EMSY: variants seen among roughly 807,000 people sequenced by gnomAD.
EMSY encodes BRCA2-interacting transcriptional repressor EMSY.
In EMSY, 26 loss-of-function variants were observed where a neutral mutation model predicts 134.6. The ratio of observed to expected loss-of-function variants is 0.19; its 90% confidence interval spans 0.14 to 0.27. The LOEUF (loss-of-function observed/expected upper bound fraction) is 0.27. Among genes scored for constraint, EMSY ranks in the 10% least tolerant of loss-of-function variants. The probability of loss-of-function intolerance (pLI) is 1.00; values close to 1 mark genes in which losing one functional copy is unlikely to be tolerated. For synonymous variants in EMSY, 579 were observed against 577.8 expected, an observed-to-expected ratio of 1.00 and a Z score of -0.03; for missense variants, 1,305 against 1,611.4, an observed-to-expected ratio of 0.81 and a Z score of 3.26.
At chr11:76,538,715 T>C (rs931005516) in intron 16 of EMSY, among the ~76,000 whole-genome samples, 2 of 152,092 alleles carry the variant, frequency 1.3e-5, no homozygotes, top group African/African-American at 4.8e-5. Context: ...CCCAGCATTT[T>C]GGGAGGCCGA....
At chr11:76,509,420 G>T (rs1950194358) in intron 9 of EMSY, among the ~76,000 whole-genome samples, 2 of 152,344 alleles carry the variant, frequency 1.3e-5, no homozygotes. Flanking sequence ...TTGAACCCAG[G>T]AAGTGGAGGT....
chr11:76,474,806 C>T (rs1202487833), intron 8 of EMSY, among the ~76,000 whole-genome samples: 1 of 152,174 alleles, frequency 6.6e-6, no homozygotes, highest in African/African-American at 2.4e-5. Context: ...CTCTGTCGCC[C>T]AGGCTAGAGT....
intron 8 of EMSY, among the ~76,000 whole-genome samples, chr11:76,493,136 C>T (rs888391566): frequency 1.3e-5 from 2 of 152,172 alleles, no homozygotes; most frequent in South Asian, 2.1e-4. Context: ...CTGTCTGCTC[C>T]GGTTTCAGAG....
chr11:76,532,868 G>T (rs1414891509), intron 14 of EMSY, among the ~76,000 whole-genome samples: 1 of 152,112 alleles, frequency 6.6e-6, no homozygotes, highest in Admixed American at 6.6e-5. Flanking sequence ...TCAAGGTGAG[G>T]GTGGGGAATA....
chr11:76,499,649 G>A (rs1281313066), intron 9 of EMSY, among the ~76,000 whole-genome samples: 2 of 151,994 alleles, frequency 1.3e-5, no homozygotes, highest in Non-Finnish European at 2.9e-5. Flanking sequence ...TGTTGATATG[G>A]TAGTGGTTAC....
At chr11:76,524,041 C>T (rs1565345952) in intron 12 of EMSY, among the ~76,000 whole-genome samples, 1 of 151,886 alleles carries the variant, frequency 6.6e-6, no homozygotes, top group East Asian at 1.9e-4. Context: ...CAGAGTGAGA[C>T]CTTGCCTCAA....
intron 7 of EMSY, among the ~76,000 whole-genome samples, chr11:76,465,415 A>G (rs1026275417): frequency 2.0e-5 from 3 of 152,158 alleles, no homozygotes; most frequent in Non-Finnish European, 1.5e-5. Context: ...TATTTATTTT[A>G]TAGGATTTTT....
At chr11:76,484,629 G>A (rs1949107872) in intron 8 of EMSY, among the ~76,000 whole-genome samples, 1 of 152,052 alleles carries the variant, frequency 6.6e-6, no homozygotes, top group Non-Finnish European at 1.5e-5. Context: ...ACACCTCTAC[G>A]CAAATAAACT....
chr11:76,473,984 G>T (rs1285299020), intron 8 of EMSY, among the ~76,000 whole-genome samples: 1 of 151,804 alleles, frequency 6.6e-6, no homozygotes, highest in East Asian at 1.9e-4. Flanking sequence ...ACAAAAATTA[G>T]CCGGGCATGG....
intron 3 of EMSY, 71 bp downstream of exon 3, chr11:76,452,028 A>G (rs1590771679): frequency 1.1e-6 from 1 of 943,644 alleles, no homozygotes; most frequent in Non-Finnish European, 1.5e-6. Context: ...TATCACTCTC[A>G]AATTAAGTAA....
chr11:76,539,686 G>T lies in EMSY; in HGVS notation c.2557+46G>T, dbSNP rs770132816. ...TGTAGTATCACTGAAGGTAAAAGATGATTGTTTTGGGGGGAACCGCTTAAA... is the reference window on the plus strand; with the variant it reads ...TGTAGTATCACTGAAGGTAAAAGATTATTGTTTTGGGGGGAACCGCTTAAA... On this transcript the variant is annotated intron_variant, in intron 17 of 20. Coordinates refer to ENST00000334736, the Ensembl canonical transcript of EMSY. 2.5e-5 allele frequency: 40 copies of T among 1,587,630 alleles called. No homozygotes were observed. The South Asian group carries it at 3.8e-4, about 15-fold the overall frequency.
At chr11:76,547,332 G>A (rs1185515507) in intron 20 of EMSY, among the ~76,000 whole-genome samples, 1 of 152,150 alleles carries the variant, frequency 6.6e-6, no homozygotes, top group Non-Finnish European at 1.5e-5. Flanking sequence ...TAAATATAGA[G>A]GAAGTGCTTA....
intron 8 of EMSY, among the ~76,000 whole-genome samples, chr11:76,494,440 A>G (rs1274117267): frequency 6.6e-6 from 1 of 152,188 alleles, no homozygotes; most frequent in Non-Finnish European, 1.5e-5. Context: ...AATATCTTTC[A>G]CTTGGATAAC....
intron 8 of EMSY, 39 bp from the exon 10 acceptor site, chr11:76,496,176 T>C (rs1949646997): frequency 1.9e-6 from 3 of 1,563,720 alleles, no homozygotes; most frequent in Non-Finnish European, 2.6e-6. Flanking sequence ...AATTTTGCTT[T>C]CCTATCAAAT....
At chr11:76,477,627 T>C (rs766137149) in intron 8 of EMSY, among the ~76,000 whole-genome samples, 1 of 152,152 alleles carries the variant, frequency 6.6e-6, no homozygotes, top group Admixed American at 6.5e-5. Flanking sequence ...GTGCTGGTAA[T>C]ACAGAAAGAG....
At chr11:76,483,846 A>G (rs962741509) in intron 8 of EMSY, among the ~76,000 whole-genome samples, 5 of 152,222 alleles carry the variant, frequency 3.3e-5, no homozygotes, top group African/African-American at 1.2e-4. Flanking sequence ...TCAACGAGAC[A>G]GAAAATTAAC....
chr11:76,528,603 T>TTA (rs1565350546), intron 14 of EMSY, 137 bp downstream of exon 15: 3 of 592,210 alleles, frequency 5.1e-6, no homozygotes, highest in Middle Eastern at 4.8e-4. Context: ...TTTTTTTTTT[T>TTA]ATTGTTTGAT....
intron 14 of EMSY, among the ~76,000 whole-genome samples, chr11:76,531,505 G>A (rs1951039386): frequency 6.6e-6 from 1 of 152,044 alleles, no homozygotes; most frequent in Non-Finnish European, 1.5e-5. Context: ...GATTCATCAG[G>A]AATTCCACAG....
intron 12 of EMSY, among the ~76,000 whole-genome samples, chr11:76,523,782 T>A (rs995344680): frequency 7.0e-6 from 1 of 142,732 alleles, no homozygotes; most frequent in Non-Finnish European, 1.5e-5. Context: ...TGGTGGCACA[T>A]GTCTGTAATC....
Sources: gnomAD v4.1 joint callset for allele counts (sites outside exome capture counted in the v4.1 genomes callset) on GRCh38, gnomAD v4.1.1 for gene constraint, MANE v1.5 for transcripts, NCBI Gene and HGNC (gene_info 2026-07-23, HGNC 2026-07-21) for gene names.